ASIC2: variants seen among roughly 807,000 people sequenced by gnomAD.
ASIC2 encodes the protein acid sensing ion channel subunit 2.
A neutral mutation model predicts 57.3 loss-of-function variants in ASIC2; 25 were observed. That is an observed-to-expected ratio of 0.44 (90% CI 0.32 to 0.61). The LOEUF (loss-of-function observed/expected upper bound fraction) is 0.61, where lower values mean the gene tolerates loss of function less well. ASIC2 is among the 20% of genes least tolerant of loss of function. The pLI, the probability that ASIC2 is intolerant of heterozygous loss-of-function variation, is 0.06. For synonymous variants in ASIC2, 319 were observed against 307.5 expected (o/e 1.04, Z -0.39); for missense variants, 641 against 738.1 (o/e 0.87, Z 1.52).
chr17:33,804,565 C>G (rs8080250), intron 1 of ASIC2, among the ~76,000 whole-genome samples: 5,971 of 152,256 alleles, frequency 0.039, 261 homozygotes, highest in African/African-American at 0.12. Flanking sequence ...GTGCTGGGTG[C>G]TGGGTGGAGC....
At chr17:33,407,180 A>G (rs1014041042) in intron 1 of ASIC2, among the ~76,000 whole-genome samples, 3 of 152,244 alleles carry the variant, frequency 2.0e-5, no homozygotes, top group Non-Finnish European at 4.4e-5. Context: ...GCATTCGCCA[A>G]TGTGTTGGGA....
intron 1 of ASIC2, among the ~76,000 whole-genome samples, chr17:33,806,744 C>T (rs1469922577): frequency 1.3e-5 from 2 of 152,152 alleles, no homozygotes; most frequent in South Asian, 4.2e-4. Context: ...AGAGCTTCCT[C>T]TTTTGCCAAC....
At position 33,364,653 on chromosome 17, in the gene ASIC2, C is replaced by T. The variant is rs372457034; in HGVS notation, c.556-252586G>A. On this transcript the variant is annotated intron_variant, in intron 1 of 9. Transcript: ENST00000359872. ...CTTCCTCTCTGCCTTCCACCATGAT[C>T]GTGAGTTTCCTGAGGCCTCCCCAGC... is the stretch of plus-strand genomic sequence containing the variant. Among the ~76,000 whole-genome samples, 137 of 152,266 alleles carry T rather than the reference C, an allele frequency of 9.0e-4. No individual in the cohort carries two copies. The South Asian group carries it at 0.026, about 29-fold the overall frequency.
intron 1 of ASIC2, among the ~76,000 whole-genome samples, chr17:33,850,437 C>G (rs184093721): frequency 1.3e-5 from 2 of 152,308 alleles, no homozygotes; most frequent in East Asian, 3.9e-4. Context: ...TTTAGTTCTT[C>G]TCGCATAAAT....
intron 1 of ASIC2, among the ~76,000 whole-genome samples, chr17:33,820,258 T>G (rs766133449): frequency 9.2e-5 from 14 of 152,374 alleles, no homozygotes; most frequent in Non-Finnish European, 1.5e-4. Context: ...TCAACTATGA[T>G]GTTTATGAAA....
chr17:33,520,940 G>A (rs926241001), intron 1 of ASIC2, among the ~76,000 whole-genome samples: 2 of 152,266 alleles, frequency 1.3e-5, no homozygotes, highest in Admixed American at 6.5e-5. Context: ...TGTGGGTGCT[G>A]GAATCATGTT....
At chr17:33,633,621 G>T (rs1375717298) in intron 1 of ASIC2, among the ~76,000 whole-genome samples, 1 of 152,108 alleles carries the variant, frequency 6.6e-6, no homozygotes, top group African/African-American at 2.4e-5. Context: ...AGTATGTCCG[G>T]CAAAAAACAG....
At chr17:33,541,916 C>A (rs2141969615) in intron 1 of ASIC2, among the ~76,000 whole-genome samples, 1 of 152,316 alleles carries the variant, frequency 6.6e-6, no homozygotes, top group South Asian at 2.1e-4. Flanking sequence ...TCTGCCCTTA[C>A]AAGCTGTGAT....
chr17:33,324,844 C>A (rs1156332843), intron 1 of ASIC2, among the ~76,000 whole-genome samples: 2 of 152,222 alleles, frequency 1.3e-5, no homozygotes, highest in East Asian at 1.9e-4. Flanking sequence ...AGACTTCCAG[C>A]CTGCCTGCTG....
intron 1 of ASIC2, among the ~76,000 whole-genome samples, chr17:33,723,157 A>G (rs1909438450): frequency 6.6e-6 from 1 of 152,150 alleles, no homozygotes; most frequent in Admixed American, 6.5e-5. Flanking sequence ...ACATAAATCG[A>G]TTGTGGTCTA....
intron 1 of ASIC2, among the ~76,000 whole-genome samples, chr17:33,839,436 C>T (rs185928248): frequency 1.4e-4 from 21 of 152,340 alleles, no homozygotes; most frequent in African/African-American, 2.2e-4. Context: ...TCAAGCAAAA[C>T]TAATTGATCA....
intron 1 of ASIC2, among the ~76,000 whole-genome samples, chr17:33,858,594 C>T (rs1252298523): frequency 6.6e-6 from 1 of 152,222 alleles, no homozygotes; most frequent in Admixed American, 6.5e-5. Context: ...AGCGGGACAT[C>T]TCTGCTGCTC....
At chr17:33,017,532 A>G (rs2091813474) in intron 8 of ASIC2, 73 bp downstream of exon 8, 2 of 1,328,186 alleles carry the variant, frequency 1.5e-6, no homozygotes, top group African/African-American at 1.5e-5. Context: ...TCCCTCTACT[A>G]TGATTCTGAA....
chr17:34,018,529 T>A (rs1036284065), intron 1 of ASIC2, among the ~76,000 whole-genome samples: 1 of 152,232 alleles, frequency 6.6e-6, no homozygotes, highest in Admixed American at 6.5e-5. Flanking sequence ...CAGATAGTGA[T>A]TAGTGATTCC....
intron 1 of ASIC2, among the ~76,000 whole-genome samples, chr17:33,771,383 C>T (rs1047264718): frequency 3.3e-5 from 5 of 152,166 alleles, no homozygotes; most frequent in African/African-American, 4.8e-5. Context: ...CCCTGCATTC[C>T]ATGTGTGCAA....
At chr17:33,078,384 T>G (rs73275868) in intron 3 of ASIC2, among the ~76,000 whole-genome samples, 4,512 of 152,296 alleles carry the variant, frequency 0.03, 225 homozygotes, top group African/African-American at 0.1. Flanking sequence ...TAAAAAGACT[T>G]ATTTTTTAGT....
chr17:33,459,720 G>A (rs369581442), intron 1 of ASIC2, among the ~76,000 whole-genome samples: 7 of 152,188 alleles, frequency 4.6e-5, no homozygotes, highest in Non-Finnish European at 7.3e-5. Flanking sequence ...AGGGCTGGCC[G>A]TGCCTGTGGG....
At position 33,451,127 on chromosome 17, in the gene ASIC2, G is replaced by C. The variant is rs562416214; in HGVS notation, c.556-339060C>G. Reference sequence around the variant, plus strand: ...GCTGGAGTGCAGTGGTGCAGTCTCAGCTCACTGCAACCTCTGCCTCCTGAG... The same window carrying C: ...GCTGGAGTGCAGTGGTGCAGTCTCACCTCACTGCAACCTCTGCCTCCTGAG... On this transcript the variant is annotated intron_variant, in intron 1 of 9. Transcript: ENST00000359872. Among the ~76,000 whole-genome samples the C allele has an allele frequency of 2.6e-5, 4 of 151,552 alleles. No homozygotes were observed. In the East Asian group the frequency reaches 5.8e-4, roughly 22 times the overall value.
intron 1 of ASIC2, among the ~76,000 whole-genome samples, chr17:33,629,772 A>T (rs1906102033): frequency 6.6e-6 from 1 of 152,210 alleles, no homozygotes. Flanking sequence ...CTTCCAGGGT[A>T]GCAAACCCAG....
Sources: allele counts gnomAD v4.1 joint callset (sites outside exome capture counted in the v4.1 genomes callset), GRCh38; gene constraint gnomAD v4.1.1; transcripts MANE v1.5; gene names NCBI Gene and HGNC (gene_info 2026-07-23, HGNC 2026-07-21).